The following ASAH2 variants were observed in gnomAD, a reference collection of about 807,000 sequenced individuals.
The protein encoded by ASAH2 is N-acylsphingosine amidohydrolase 2.
In ASAH2, 58 loss-of-function variants were observed where a neutral mutation model predicts 82.9. The observed-to-expected ratio is 0.70, with a 90% CI of 0.57 to 0.87. The LOEUF is 0.87. ASAH2 is among the 40% of genes least tolerant of loss of function. The pLI, the probability that ASAH2 is intolerant of heterozygous loss-of-function variation, is 0.00. For missense variants in ASAH2, 779 were observed against 834.0 expected (o/e 0.93, Z 0.81); for synonymous variants, 276 against 289.7 (o/e 0.95, Z 0.48).
chr10:50,206,242 G>A lies in ASAH2; in HGVS notation c.1415-145C>T, dbSNP rs565769832. 8.8e-4 allele frequency: 617 copies of A among 702,430 alleles called. 2 individuals are homozygous for A. Among genetic ancestry groups the A allele is most frequent in the African/African-American group, 2.4e-3 (134 of 56,120 alleles). 43.5% of individuals were successfully genotyped at this position (702,430 alleles called of 1,614,324 possible). ...TGTTCAATGATTCCAAACAGTTTGA[G>A]TAATAGAATAGGAAAAATGTCCTGT... On this transcript the variant is annotated intron_variant, in intron 12 of 20. Coordinates refer to ENST00000682911, the MANE Select transcript of ASAH2 (RefSeq NM_019893.4).
At chr10:50,244,454 A>G (rs1482585359) in intron 3 of ASAH2, among the ~76,000 whole-genome samples, 2 of 152,196 alleles carry the variant, frequency 1.3e-5, no homozygotes, top group African/African-American at 4.8e-5. Context: ...TTCCAGGATC[A>G]CTTTTCAGAA....
At chr10:50,220,615 A>G (rs1424272376) in intron 7 of ASAH2, among the ~76,000 whole-genome samples, 2 of 152,102 alleles carry the variant, frequency 1.3e-5, no homozygotes, top group Non-Finnish European at 2.9e-5. Flanking sequence ...GCTGGGGCTT[A>G]TTGGAGAGTG....
rs1316008438 is a variant in ASAH2 at position 50,205,981 on chromosome 10, C to A, written c.1530+1G>T. ...TCACTATGATAACGAAAATGCATTA[C>A]TTCTCCGGTGTGAAGAAGGATGGGC... On this transcript the variant is annotated splice_donor_variant, in intron 13 of 20. Transcript: ENST00000682911. LOFTEE classifies it high-confidence loss of function. The A allele has an allele frequency of 1.2e-6, 2 of 1,606,856 alleles. No individual in the cohort carries two copies. Among genetic ancestry groups the A allele is most frequent in the African/African-American group, 1.3e-5 (1 of 74,816 alleles).
At position 50,208,254 on chromosome 10, in the gene ASAH2, T is replaced by C. The variant is rs1845356835; in HGVS notation, c.1415-2157A>G. On this transcript the variant is annotated intron_variant, in intron 12 of 20. Coordinates refer to ENST00000682911, the MANE Select transcript of ASAH2 (RefSeq NM_019893.4). Reference sequence around the variant, plus strand: ...CCATACTATTAGGAACAACACAGAATATACACTCTTTTTACTTTTATTCAA... The same window carrying C: ...CCATACTATTAGGAACAACACAGAACATACACTCTTTTTACTTTTATTCAA... Among the ~76,000 whole-genome samples the C allele has an allele frequency of 2.0e-5, 3 of 152,108 alleles. No homozygotes were observed. The South Asian group carries it at 6.2e-4, about 32-fold the overall frequency.
At chr10:50,228,835 AG>A (rs1260924574) in intron 7 of ASAH2, among the ~76,000 whole-genome samples, 6 of 152,106 alleles carry the variant, frequency 3.9e-5, no homozygotes, top group Non-Finnish European at 8.8e-5. Context: ...AGAAAAGAAG[AG>A]GAAGGAGAAG....
intron 5 of ASAH2, among the ~76,000 whole-genome samples, 191 bp downstream of exon 5, chr10:50,235,697 A>T (rs1002077319): frequency 1.3e-5 from 2 of 152,100 alleles, no homozygotes; most frequent in African/African-American, 4.8e-5. Flanking sequence ...CCAATCATCC[A>T]TGCCTCATCC....
At position 50,226,760 on chromosome 10, in the gene ASAH2, C is replaced by T. The variant is rs979579837; in HGVS notation, c.893+6424G>A. Reference sequence around the variant, plus strand: ...AAAGTCTATTGAAAAAAAAACTATGCCCAGCACTGGCACGGTATCATTTCT... The same window carrying T: ...AAAGTCTATTGAAAAAAAAACTATGTCCAGCACTGGCACGGTATCATTTCT... On this transcript the variant is annotated intron_variant, in intron 7 of 20. Coordinates refer to ENST00000682911, the MANE Select transcript of ASAH2 (RefSeq NM_019893.4). Among the ~76,000 whole-genome samples, 4 of 151,982 alleles carry T rather than the reference C, an allele frequency of 2.6e-5. 1 individual carries two copies. The highest frequency in any genetic ancestry group is 2.6e-4 in the Admixed American group (4 of 15,254).
intron 7 of ASAH2, among the ~76,000 whole-genome samples, chr10:50,232,100 A>G (rs1846034437): frequency 6.6e-6 from 1 of 152,216 alleles, no homozygotes; most frequent in African/African-American, 2.4e-5. Flanking sequence ...TTTTATTACC[A>G]TGTTGTTCTC....
In ASAH2 at chr10:50,210,803, T is replaced by C; in HGVS notation, c.1414+20A>G. On this transcript the variant is annotated intron_variant, in intron 12 of 20. Transcript: ENST00000682911. The stretch of plus-strand genomic sequence containing the variant: ...AGCTTCAGAAGCTGAAACCATAGAT[T>C]TTACTGGACTTCACCTTACCCTGTG... The C allele has an allele frequency of 6.3e-7, 1 of 1,580,410 alleles. No homozygotes were observed. The highest frequency in any genetic ancestry group is 8.7e-7 in the Non-Finnish European group (1 of 1,149,186).
rs931486035 is a variant in ASAH2, at chr10:50,211,804, T to A, written c.1228-670A>T. 5.6e-3 allele frequency among the ~76,000 whole-genome samples: 858 copies of A among 152,256 alleles called. 5 individuals are homozygous for A. The highest frequency in any genetic ancestry group is 0.014 in the Middle Eastern group (4 of 294). On this transcript the variant is annotated intron_variant, in intron 10 of 20. Coordinates refer to ENST00000682911, the MANE Select transcript of ASAH2 (RefSeq NM_019893.4). ...TGACACTTAGCTCATTTCCACTCTG[T>A]CCCCACCCCAGTTTCAATGGCCACA...
intron 12 of ASAH2, among the ~76,000 whole-genome samples, chr10:50,207,008 A>G (rs1289298143): frequency 1.3e-5 from 2 of 152,132 alleles, no homozygotes; most frequent in South Asian, 2.1e-4. Context: ...GTGAAATGAA[A>G]TTAAAAATAA....
At chr10:50,249,755 C>T (rs902833229) in intron 1 of ASAH2, among the ~76,000 whole-genome samples, 4 of 151,886 alleles carry the variant, frequency 2.6e-5, no homozygotes, top group African/African-American at 9.7e-5. Flanking sequence ...TGTGCTCTTC[C>T]CTGTCCTTTA....
intron 3 of ASAH2, among the ~76,000 whole-genome samples, chr10:50,244,118 T>A (rs1308312981): frequency 6.6e-6 from 1 of 152,212 alleles, no homozygotes; most frequent in Non-Finnish European, 1.5e-5. Context: ...GGAAATTTTA[T>A]AGGGTCACGC....
intron 12 of ASAH2, 115 bp from the exon 13 acceptor site, chr10:50,206,212 G>T: frequency 1.2e-6 from 1 of 834,862 alleles, no homozygotes; most frequent in Non-Finnish European, 2.1e-6. Context: ...TTTTATTGAG[G>T]TTGTTGTTCA....
At chr10:50,205,620 C>G in intron 13 of ASAH2, among the ~76,000 whole-genome samples, 1 of 152,026 alleles carries the variant, frequency 6.6e-6, no homozygotes, top group African/African-American at 2.4e-5. Flanking sequence ...TAGACAGGAA[C>G]ATGTTTTGTT....
chr10:50,233,093 T>C (rs1479756859), intron 7 of ASAH2, 91 bp downstream of exon 7: 103 of 995,406 alleles, frequency 1.0e-4, no homozygotes, highest in Middle Eastern at 2.1e-4. Context: ...TTATTCTCAG[T>C]GTGTGCTGGT....
chr10:50,236,169 G>T, intron 4 of ASAH2, 105 bp from the exon 5 acceptor site: 5 of 971,472 alleles, frequency 5.1e-6, no homozygotes, highest in Non-Finnish European at 8.3e-6. Flanking sequence ...AATAACATCT[G>T]TATTAGTCCA....
chr10:50,235,956 C>G lies in ASAH2; in HGVS notation c.619G>C (p.Val207Leu), dbSNP rs1002426861. The change falls in exon 5 of 21, where the codon GTG becomes CTG. Residue 207 changes from valine to leucine, a missense_variant. Val to Leu is a conservative substitution (Grantham distance 32). Coordinates refer to ENST00000682911, the MANE Select transcript of ASAH2 (RefSeq NM_019893.4). ...AATCCTTCACTGGCAATTACAAACA[C>G]GGTATACTGGAAATATCCTGCAGGA... ...SGPAGYFQYT[V>L]FVIASEGFSN... The G allele has an allele frequency of 6.2e-7, 1 of 1,613,240 alleles. No homozygotes were observed. Among genetic ancestry groups the G allele is most frequent in the African/African-American group, 1.3e-5 (1 of 74,832 alleles).
intron 15 of ASAH2, among the ~76,000 whole-genome samples, chr10:50,203,165 T>C (rs1423729322): frequency 2.6e-5 from 4 of 152,054 alleles, no homozygotes; most frequent in African/African-American, 9.7e-5. Context: ...AATCAACTTA[T>C]TACAAAATCT....
Sources: allele counts gnomAD v4.1 joint callset (sites outside exome capture counted in the v4.1 genomes callset), GRCh38; gene constraint gnomAD v4.1.1; transcripts MANE v1.5; gene names NCBI Gene and HGNC (gene_info 2026-07-23, HGNC 2026-07-21).